HOOK1: variants seen among roughly 807,000 people sequenced by gnomAD.
HOOK1 encodes protein Hook homolog 1.
HOOK1 carries 60 observed loss-of-function variants against 112.8 expected under a neutral mutation model. The ratio of observed to expected loss-of-function variants is 0.53; its 90% CI spans 0.43 to 0.66. The LOEUF (loss-of-function observed/expected upper bound fraction) is 0.66. HOOK1 is among the 30% of genes least tolerant of loss of function. The pLI is 0.00. For synonymous variants in HOOK1, 294 were observed against 283.8 expected, an observed-to-expected ratio of 1.04 and a Z score of -0.36; for missense variants, 770 against 856.0, an observed-to-expected ratio of 0.90 and a Z score of 1.25.
chr1:59,846,912 A>G (rs1574202025), intron 9 of HOOK1, 133 bp from the exon 10 acceptor site: 4 of 566,460 alleles, frequency 7.1e-6, no homozygotes, highest in African/African-American at 5.9e-5. Flanking sequence ...TTATTGATAC[A>G]TATTTTATTC....
At chr1:59,821,559 G>T (rs1326749692) in intron 1 of HOOK1, among the ~76,000 whole-genome samples, 1 of 152,166 alleles carries the variant, frequency 6.6e-6, no homozygotes, top group Non-Finnish European at 1.5e-5. Flanking sequence ...CACAAGACTA[G>T]AGTTATATAC....
At position 59,828,855 on chromosome 1, in the gene HOOK1, A is replaced by G; in HGVS notation, c.222+3A>G. 6.2e-7 allele frequency: 1 copy of G among 1,610,138 alleles called. No individual in the cohort carries two copies. The highest frequency in any genetic ancestry group is 1.1e-5 in the South Asian group (1 of 90,584). On this transcript the variant is annotated splice_donor_region_variant and intron_variant, in intron 3 of 21. Coordinates refer to ENST00000371208, the MANE Select transcript of HOOK1 (RefSeq NM_015888.6). ...TTGGGGACAACTGGAGAATAAAGGT[A>G]TGCAGAACAAATGGGAGAAGCACTT...
intron 12 of HOOK1, among the ~76,000 whole-genome samples, chr1:59,857,511 G>A (rs897144338): frequency 2.0e-5 from 3 of 152,144 alleles, no homozygotes; most frequent in Non-Finnish European, 2.9e-5. Context: ...TGTGCATTAC[G>A]TTAATGGAGG....
In HOOK1 at chr1:59,823,298, T is replaced by C. The variant is rs369867065; in HGVS notation, c.149+1355T>C. Among the ~76,000 whole-genome samples, 109 of 152,340 alleles carry C rather than the reference T, an allele frequency of 7.2e-4. No individual in the cohort carries two copies. The Middle Eastern group carries it at 0.01, about 14-fold the overall frequency. On this transcript the variant is annotated intron_variant, in intron 2 of 21. Coordinates refer to ENST00000371208, the MANE Select transcript of HOOK1 (RefSeq NM_015888.6). ...TCCTGCCACTGCACTCCAGCCTGGG[T>C]GACAGAGCAAGACTCCGTCTCAAAA...
In HOOK1 at chr1:59,847,039, T is replaced by C; in HGVS notation, c.789-6T>C. Reference sequence around the variant, plus strand: ...TTATAAATACTTACTTTTTTATTTGTTCAAGGCTTGAAGCTGCAAAAGATG... The same window carrying C: ...TTATAAATACTTACTTTTTTATTTGCTCAAGGCTTGAAGCTGCAAAAGATG... On this transcript the variant is annotated splice_region_variant and splice_polypyrimidine_tract_variant and intron_variant, in intron 9 of 21. Transcript: ENST00000371208. The C allele has an allele frequency of 6.3e-7, 1 of 1,578,176 alleles. No individual in the cohort carries two copies. The highest frequency in any genetic ancestry group is 8.6e-7 in the Non-Finnish European group (1 of 1,167,592).
intron 12 of HOOK1, among the ~76,000 whole-genome samples, chr1:59,850,160 A>G (rs549009948): frequency 8.6e-5 from 13 of 151,680 alleles, no homozygotes; most frequent in Middle Eastern, 3.4e-3. Flanking sequence ...AGCCATTTGT[A>G]TATCTTCCTT....
intron 8 of HOOK1, among the ~76,000 whole-genome samples, chr1:59,843,018 A>G (rs572180635): frequency 6.6e-6 from 1 of 152,134 alleles, no homozygotes; most frequent in South Asian, 2.1e-4. Context: ...TCAACCTATC[A>G]TGATAACTTT....
At chr1:59,840,015 C>T (rs1294622355) in intron 7 of HOOK1, among the ~76,000 whole-genome samples, 1 of 152,094 alleles carries the variant, frequency 6.6e-6, no homozygotes, top group Non-Finnish European at 1.5e-5. Context: ...TATGTTGAAC[C>T]AGCCTTGCAT....
chr1:59,846,548 T>C, intron 9 of HOOK1, among the ~76,000 whole-genome samples: 1 of 38,094 alleles, frequency 2.6e-5, no homozygotes, highest in Admixed American at 2.6e-4. Context: ...CCTTCCTTCC[T>C]TCCTTCCTTC....
chr1:59,832,291 T>G, intron 4 of HOOK1, 78 bp downstream of exon 4: 1 of 854,544 alleles, frequency 1.2e-6, no homozygotes, highest in Admixed American at 2.5e-5. Flanking sequence ...TCACTTGGTT[T>G]TTTGTTTATA....
At chr1:59,815,539 C>T (rs903728099) in intron 1 of HOOK1, among the ~76,000 whole-genome samples, 5 of 152,094 alleles carry the variant, frequency 3.3e-5, no homozygotes, top group South Asian at 4.1e-4. Flanking sequence ...CGCCCGAGCC[C>T]TCCACTTTCT....
chr1:59,846,553 TC>T (rs2098403936), intron 9 of HOOK1, among the ~76,000 whole-genome samples: 1 of 47,014 alleles, frequency 2.1e-5, no homozygotes, highest in African/African-American at 9.5e-5. Context: ...CTTCCTTCCT[TC>T]CTTCCTTCCT....
intron 12 of HOOK1, among the ~76,000 whole-genome samples, chr1:59,849,476 G>A (rs1177016995): frequency 6.6e-6 from 1 of 151,476 alleles, no homozygotes; most frequent in Non-Finnish European, 1.5e-5. Context: ...TTTTGCGATG[G>A]CTTTATTAAG....
intron 15 of HOOK1, among the ~76,000 whole-genome samples, chr1:59,861,742 C>T (rs1187294401): frequency 6.6e-6 from 1 of 152,146 alleles, no homozygotes; most frequent in Non-Finnish European, 1.5e-5. Context: ...ATGGTAACTT[C>T]CCTGTTATAA....
intron 3 of HOOK1, among the ~76,000 whole-genome samples, chr1:59,829,624 T>C (rs897241454): frequency 2.6e-5 from 4 of 152,136 alleles, no homozygotes; most frequent in African/African-American, 9.6e-5. Context: ...TTTCCTTTTC[T>C]TTTCCTGCTA....
rs777115612 is a variant in HOOK1 at position 59,840,350 on chromosome 1, AAAG to A, written c.585_587del (p.Glu196del). ...AGAACTTCAGGAAGCACTAGCAGAAAAAGAAGAGCTGAGGCAAAGATGTGAAGA... is the reference window on the plus strand; with the variant it reads ...AGAACTTCAGGAAGCACTAGCAGAAAAAGAGCTGAGGCAAAGATGTGAAGA... On this transcript the variant is annotated inframe_deletion, in exon 8 of 22. Coordinates refer to ENST00000371208, the MANE Select transcript of HOOK1 (RefSeq NM_015888.6). 1 of 1,600,530 alleles carries A rather than the reference AAAG, an allele frequency of 6.2e-7. No homozygotes were observed. The highest frequency in any genetic ancestry group is 8.5e-7 in the Non-Finnish European group (1 of 1,174,174).
At chr1:59,859,769 G>A (rs1477997221) in intron 14 of HOOK1, among the ~76,000 whole-genome samples, 1 of 151,784 alleles carries the variant, frequency 6.6e-6, no homozygotes, top group East Asian at 1.9e-4. Flanking sequence ...TTAAAATTTT[G>A]CTCAAACTAT....
Position 59,833,438 on chromosome 1 carries a change from C to T in HOOK1, c.307C>T (p.Pro103Ser), listed in dbSNP as rs201087676. The change falls in exon 5 of 22, where the codon CCT (proline) becomes TCT (serine). Residue 103 changes from proline (P) to serine (S), a missense_variant. By Grantham distance (74) the Pro-to-Ser change is moderately conservative. Around this residue, in one of 3 missense-constraint regions of HOOK1, gnomAD observed 655 missense variants for 725.9 expected, o/e 0.90. Coordinates refer to ENST00000371208, the MANE Select transcript of HOOK1 (RefSeq NM_015888.6). ...LGQQISEALI[P>S]DLNQITECSD... ...GCAGCAGATTTCAGAAGCACTTATC[C>T]CTGATTTAAACCAAATAACCGAATG... The T allele has an allele frequency of 3.5e-5, 55 of 1,562,448 alleles. No individual in the cohort carries two copies. The highest frequency in any genetic ancestry group is 1.7e-4 in the Admixed American group (10 of 57,258).
chr1:59,847,354 C>T (rs1230570336), intron 10 of HOOK1, among the ~76,000 whole-genome samples, 169 bp downstream of exon 10: 1 of 151,604 alleles, frequency 6.6e-6, no homozygotes, highest in Non-Finnish European at 1.5e-5. Context: ...GTTGTTTGGG[C>T]TTGCAGTTCA....
Sources: allele counts gnomAD v4.1 joint callset (sites outside exome capture counted in the v4.1 genomes callset), GRCh38; gene constraint gnomAD v4.1.1; regional missense constraint gnomAD v4.1.1; transcripts MANE v1.5; gene names NCBI Gene and HGNC (gene_info 2026-07-23, HGNC 2026-07-21).